The following TBC1D22B variants were observed in gnomAD, a reference collection of about 807,000 sequenced individuals.
TBC1D22B encodes chromosome 6 open reading frame 197.
In TBC1D22B, 32 loss-of-function variants were observed where a neutral mutation model predicts 69.1. The observed-to-expected ratio is 0.46, with a 90% confidence interval of 0.35 to 0.62. The LOEUF (loss-of-function observed/expected upper bound fraction) is 0.62. Ranked by LOEUF, TBC1D22B falls within the 20% of genes least tolerant of loss-of-function variation. The probability of loss-of-function intolerance (pLI) is 0.00; values close to 1 mark genes in which losing one functional copy is unlikely to be tolerated. For missense variants in TBC1D22B, 462 were observed against 630.9 expected (o/e 0.73, Z 2.87); for synonymous variants, 206 against 229.8 (o/e 0.90, Z 0.94).
chr6:37,266,158 A>C (rs1766264097), intron 1 of TBC1D22B, among the ~76,000 whole-genome samples: 1 of 152,180 alleles, frequency 6.6e-6, no homozygotes, highest in African/African-American at 2.4e-5. Context: ...AAGATCGCTT[A>C]TTTCTTATAA....
At chr6:37,288,505 A>G (rs1767077026) in intron 7 of TBC1D22B, among the ~76,000 whole-genome samples, 1 of 152,170 alleles carries the variant, frequency 6.6e-6, no homozygotes, top group African/African-American at 2.4e-5. Context: ...TGAGCCCACG[A>G]GTTTGAGACC....
At chr6:37,327,240 A>T (rs1382672933) in intron 12 of TBC1D22B, among the ~76,000 whole-genome samples, 1 of 95,350 alleles carries the variant, frequency 1.0e-5, no homozygotes, top group Non-Finnish European at 2.0e-5. Context: ...GCACTTTGGG[A>T]GGCCGAGGCG....
At position 37,275,909 on chromosome 6, in the gene TBC1D22B, T is replaced by C. The variant is rs76466525; in HGVS notation, c.114-3395T>C. Among the ~76,000 whole-genome samples the C allele has an allele frequency of 4.3e-3, 649 of 152,180 alleles. 1 individual carries two copies. The highest frequency in any genetic ancestry group is 7.2e-3 in the Non-Finnish European group (488 of 67,994). ...CTGTGGATTCTCTGCCTTCTCTCAG[T>C]GGTAACCCAAAGTACCTTTCACTTC... is the stretch of plus-strand genomic sequence containing the variant. On this transcript the variant is annotated intron_variant, in intron 2 of 12. Transcript: ENST00000373491.
At chr6:37,302,769 T>C (rs1305680864) in intron 8 of TBC1D22B, among the ~76,000 whole-genome samples, 1 of 152,238 alleles carries the variant, frequency 6.6e-6, no homozygotes, top group Non-Finnish European at 1.5e-5. Context: ...CCTGATTATG[T>C]CATAGATGAT....
intron 8 of TBC1D22B, among the ~76,000 whole-genome samples, chr6:37,310,501 G>A (rs1348189965): frequency 2.0e-5 from 3 of 151,894 alleles, no homozygotes; most frequent in Non-Finnish European, 4.4e-5. Flanking sequence ...AAACCCCGTC[G>A]CTACTGAAAA....
chr6:37,297,028 T>C (rs1562055139), intron 8 of TBC1D22B, among the ~76,000 whole-genome samples: 2 of 152,128 alleles, frequency 1.3e-5, no homozygotes. Flanking sequence ...GGTTTTGCCA[T>C]GTTGCCCAGG....
intron 12 of TBC1D22B, 76 bp from the exon 13 acceptor site, chr6:37,330,968 T>C (rs377139523): frequency 6.5e-7 from 1 of 1,548,444 alleles, no homozygotes. Context: ...TTCTAGGCCT[T>C]GGTCTCTAAG....
chr6:37,300,742 T>C (rs992476078), intron 8 of TBC1D22B, among the ~76,000 whole-genome samples: 1 of 152,136 alleles, frequency 6.6e-6, no homozygotes, highest in Admixed American at 6.5e-5. Flanking sequence ...AAAAAAATAC[T>C]GTCTTGGTTG....
chr6:37,284,032 C>T (rs1669890460), intron 5 of TBC1D22B, among the ~76,000 whole-genome samples: 1 of 152,238 alleles, frequency 6.6e-6, no homozygotes, highest in African/African-American at 2.4e-5. Flanking sequence ...CACTGACCTA[C>T]ATTCACTGCT....
At chr6:37,271,486 G>T (rs148123548) in intron 2 of TBC1D22B, among the ~76,000 whole-genome samples, 1 of 152,134 alleles carries the variant, frequency 6.6e-6, no homozygotes, top group Non-Finnish European at 1.5e-5. Flanking sequence ...CTGTGGTGGC[G>T]GATGTTCATA....
At position 37,274,562 on chromosome 6, in the gene TBC1D22B, A is replaced by T. The variant is rs575262414; in HGVS notation, c.114-4742A>T. On this transcript the variant is annotated intron_variant, in intron 2 of 12. Transcript: ENST00000373491. The stretch of plus-strand genomic sequence containing the variant: ...TCCATGACCTTGGGCACATTACTGA[A>T]ACTTTCCAAGCCTTAGTTTCTTCAT... Among the ~76,000 whole-genome samples, 3 of 152,360 alleles carry T rather than the reference A, an allele frequency of 2.0e-5. No homozygotes were observed. In the South Asian group the frequency reaches 6.2e-4, roughly 32 times the overall value.
At chr6:37,288,841 C>G (rs1227336311) in intron 7 of TBC1D22B, among the ~76,000 whole-genome samples, 1 of 151,828 alleles carries the variant, frequency 6.6e-6, no homozygotes, top group Non-Finnish European at 1.5e-5. Context: ...CCAATTTTTC[C>G]TGAATGACCA....
intron 1 of TBC1D22B, chr6:37,258,182 G>A (rs1765895895): frequency 3.4e-6 from 2 of 585,972 alleles, no homozygotes; most frequent in Non-Finnish European, 6.0e-6. Flanking sequence ...CCGGGGTCTG[G>A]GGGCGGAGGT....
intron 1 of TBC1D22B, among the ~76,000 whole-genome samples, chr6:37,266,884 A>G (rs1375536445): frequency 1.4e-5 from 2 of 141,744 alleles, no homozygotes; most frequent in Non-Finnish European, 3.1e-5. Context: ...AATAACTGAT[A>G]TATTTAGTTA....
chr6:37,266,326 A>G (rs1022529459), intron 1 of TBC1D22B, among the ~76,000 whole-genome samples: 23 of 152,248 alleles, frequency 1.5e-4, no homozygotes, highest in African/African-American at 5.5e-4. Flanking sequence ...TCTTTCAGAT[A>G]CATAGACCTA....
At chr6:37,265,575 C>A (rs1295170832) in intron 1 of TBC1D22B, among the ~76,000 whole-genome samples, 1 of 151,790 alleles carries the variant, frequency 6.6e-6, no homozygotes, top group Non-Finnish European at 1.5e-5. Flanking sequence ...TCTAACACCC[C>A]CTTCCTCTCT....
intron 8 of TBC1D22B, among the ~76,000 whole-genome samples, chr6:37,291,745 A>T (rs1767192325): frequency 6.6e-6 from 1 of 152,210 alleles, no homozygotes; most frequent in Admixed American, 6.5e-5. Context: ...TAGGAGCAGG[A>T]TGTGGACGTG....
Position 37,282,352 on chromosome 6 carries a change from A to G in TBC1D22B, c.589A>G (p.Asn197Asp), listed in dbSNP as rs777264126. ...ATTCCGTCAACTTCTCTCCAGCCAG[A>G]ACACTGACTTAGGTGAGTCCCTGTG... is the stretch of plus-strand genomic sequence containing the variant. ...EKFRQLLSSQNTDLDELRKCS... is the reference protein window; with the variant it reads ...EKFRQLLSSQDTDLDELRKCS... The change falls in exon 4 of 13, where the codon AAC becomes GAC. Residue 197 changes from asparagine (N) to aspartate (D), a missense_variant. Around this residue, in one of 2 missense-constraint regions of TBC1D22B, gnomAD observed 237 missense variants for 255.4 expected, o/e 0.93. Coordinates refer to ENST00000373491, the MANE Select transcript of TBC1D22B (RefSeq NM_017772.4). 1.2e-6 allele frequency: 2 copies of G among 1,606,748 alleles called. No individual in the cohort carries two copies.
chr6:37,309,633 C>T (rs1462977072), intron 8 of TBC1D22B, among the ~76,000 whole-genome samples: 1 of 152,102 alleles, frequency 6.6e-6, no homozygotes, highest in African/African-American at 2.4e-5. Flanking sequence ...GGAAAGGGCT[C>T]TCCTCCCTTG....
Sources: allele counts gnomAD v4.1 joint callset (sites outside exome capture counted in the v4.1 genomes callset), GRCh38; gene constraint gnomAD v4.1.1; regional missense constraint gnomAD v4.1.1; transcripts MANE v1.5; gene names NCBI Gene and HGNC (gene_info 2026-07-23, HGNC 2026-07-21).